The following FARP1 variants were observed in gnomAD, a reference collection of about 807,000 sequenced individuals.
FARP1 encodes the protein FERM, ARH/RhoGEF and pleckstrin domain protein 1, also known as FERM, ARHGEF and pleckstrin domain-containing protein 1.
In FARP1, 52 loss-of-function variants were observed where a neutral mutation model predicts 128.8. That is an observed-to-expected ratio of 0.40 (90% confidence interval 0.32 to 0.51). FARP1 has a LOEUF of 0.51. Ranked by LOEUF, FARP1 falls within the 20% of genes least tolerant of loss-of-function variation. The pLI, the probability that FARP1 is intolerant of heterozygous loss-of-function variation, is 0.45. For missense variants in FARP1, 1,333 were observed against 1,367.9 expected (o/e 0.97, Z 0.40); for synonymous variants, 580 against 551.8 (o/e 1.05, Z -0.72).
chr13:98,165,709 G>GTTTTTTTTT (rs1566685742), intron 1 of FARP1, among the ~76,000 whole-genome samples: 2 of 102,406 alleles, frequency 2.0e-5, no homozygotes, highest in African/African-American at 6.8e-5. Context: ...TTCCAGAAGG[G>GTTTTTTTTT]GTTTTTTTTT....
intron 1 of FARP1, among the ~76,000 whole-genome samples, chr13:98,145,546 G>A (rs529286670): frequency 1.4e-5 from 2 of 138,224 alleles, no homozygotes; most frequent in South Asian, 4.8e-4. Flanking sequence ...GAACCTGGAG[G>A]AACGTTTTTG....
chr13:98,454,694 G>C lies in FARP1; in HGVS notation c.*6377G>C, dbSNP rs1359344043. 1.3e-5 allele frequency: 2 copies of C among 152,190 alleles called. No homozygotes were observed. The highest frequency in any genetic ancestry group is 1.9e-4 in the East Asian group (1 of 5,198). 9.4% of individuals were successfully genotyped at this position (152,190 alleles called of 1,614,324 possible). On this transcript the variant is annotated 3_prime_UTR_variant, in exon 27 of 27. Transcript: ENST00000319562. ...GCCATCCACTGAAACAACATGTTTG[G>C]AGCAAAACTGGCAGGAAGTCTAAGC...
intron 1 of FARP1, among the ~76,000 whole-genome samples, chr13:98,150,339 C>T (rs1238756618): frequency 6.6e-6 from 1 of 152,134 alleles, no homozygotes; most frequent in East Asian, 1.9e-4. Context: ...CAGATCTTTA[C>T]TGTTTTTAAT....
intron 1 of FARP1, among the ~76,000 whole-genome samples, chr13:98,164,772 T>C (rs1334546048): frequency 5.3e-5 from 8 of 151,742 alleles, no homozygotes; most frequent in Non-Finnish European, 1.2e-4. Context: ...GGTTGAGAGG[T>C]TTGTCAGTTA....
At chr13:98,242,235 T>C (rs774873171) in intron 2 of FARP1, among the ~76,000 whole-genome samples, 2 of 152,104 alleles carry the variant, frequency 1.3e-5, no homozygotes, top group Non-Finnish European at 2.9e-5. Flanking sequence ...GTACTCCCCC[T>C]CCCTCGAGGC....
chr13:98,351,702 T>C (rs1888437754), intron 3 of FARP1, among the ~76,000 whole-genome samples: 1 of 150,264 alleles, frequency 6.7e-6, no homozygotes, highest in African/African-American at 2.4e-5. Flanking sequence ...CCTCAGGAAG[T>C]TTTTACTCAT....
At chr13:98,181,639 T>TGAG (rs1174717373) in intron 1 of FARP1, among the ~76,000 whole-genome samples, 356 of 62,518 alleles carry the variant, frequency 5.7e-3, no homozygotes, top group African/African-American at 0.015. Flanking sequence ...TTTATTTATT[T>TGAG]ATTTGAGAGA....
At chr13:98,304,480 G>C (rs1485991632) in intron 2 of FARP1, among the ~76,000 whole-genome samples, 1 of 152,242 alleles carries the variant, frequency 6.6e-6, no homozygotes, top group East Asian at 1.9e-4. Flanking sequence ...GAAAGGTGCA[G>C]ATTCCGAGGT....
chr13:98,440,762 G>A lies in FARP1; in HGVS notation c.2722G>A (p.Gly908Ser), dbSNP rs370388585. Residue 908 changes from glycine to serine, a missense_variant, in exon 24 of 27, where the codon GGC becomes AGC. Around this residue, in one of 2 missense-constraint regions of FARP1, gnomAD observed 1,009 missense variants for 969.8 expected, o/e 1.04. Coordinates refer to ENST00000319562, the MANE Select transcript of FARP1 (RefSeq NM_005766.4). ...GCTGGAGCGCCAGGCCCCGCACCGC[G>A]GCAACACAATGGTGCACGTGTGCTG... ...TSLERQAPHR[G>S]NTMVHVCWHR... is the part of the protein sequence containing the mutation. The A allele has an allele frequency of 2.5e-5, 40 of 1,613,218 alleles. No homozygotes were observed. In the Admixed American group the frequency reaches 5.3e-4, roughly 22 times the overall value.
At chr13:98,426,078 G>A (rs1891775209) in intron 17 of FARP1, among the ~76,000 whole-genome samples, 1 of 152,146 alleles carries the variant, frequency 6.6e-6, no homozygotes, top group Non-Finnish European at 1.5e-5. Context: ...TCCACCCAGT[G>A]CTAACTGAGC....
chr13:98,176,952 C>G lies in FARP1; in HGVS notation c.-24+33460C>G. ...CCACAGGCTTCGCCGAGCGGGTGGA[C>G]CTGTACACCACGTCGAGGCTCTCAG... On this transcript the variant is annotated intron_variant, in intron 1 of 26. Transcript: ENST00000319562. The surrounding 1 kb of genome is among the most constrained non-coding windows in gnomAD (Gnocchi z 6.2). 6.2e-7 allele frequency: 1 copy of G among 1,602,118 alleles called. No homozygotes were observed. Among genetic ancestry groups the G allele is most frequent in the Non-Finnish European group, 8.5e-7 (1 of 1,179,898 alleles).
At chr13:98,424,237 G>A (rs1416444848) in intron 16 of FARP1, among the ~76,000 whole-genome samples, 1 of 152,172 alleles carries the variant, frequency 6.6e-6, no homozygotes, top group East Asian at 1.9e-4. Context: ...CTGACCTAAT[G>A]ATGCTAAAAT....
chr13:98,190,818 A>G (rs1159618441), intron 1 of FARP1, among the ~76,000 whole-genome samples: 3 of 150,846 alleles, frequency 2.0e-5, no homozygotes, highest in Admixed American at 1.3e-4. Flanking sequence ...AAGTGCTTAG[A>G]TTACAGGCAT....
chr13:98,217,679 A>G (rs1881159101), intron 2 of FARP1, among the ~76,000 whole-genome samples: 1 of 152,170 alleles, frequency 6.6e-6, no homozygotes. Context: ...CATCTCAACC[A>G]CAGTCCTCGG....
chr13:98,433,448 G>A, intron 18 of FARP1: 1 of 152,330 alleles, frequency 6.6e-6, no homozygotes, highest in Non-Finnish European at 1.5e-5. Context: ...AACCATGCTG[G>A]CCAGGGGTGG....
intron 6 of FARP1, chr13:98,384,066 G>A (rs1028591336): frequency 2.6e-5 from 4 of 152,150 alleles, no homozygotes; most frequent in African/African-American, 9.7e-5. Context: ...GGGCTTTTTA[G>A]GAGGTCATAC....
At chr13:98,266,955 A>G (rs531357404) in intron 2 of FARP1, among the ~76,000 whole-genome samples, 2 of 140,538 alleles carry the variant, frequency 1.4e-5, no homozygotes, top group East Asian at 2.3e-4. Context: ...TGGAGGTTGC[A>G]GTGAGCCAAG....
chr13:98,186,991 CAAA>C (rs33992037), intron 1 of FARP1, among the ~76,000 whole-genome samples: 19 of 47,828 alleles, frequency 4.0e-4, no homozygotes, highest in East Asian at 1.5e-3. Flanking sequence ...GATTCTGTCT[CAAA>C]AAAAAAAAAA....
At chr13:98,284,264 T>C (rs1462192015) in intron 2 of FARP1, among the ~76,000 whole-genome samples, 21 of 152,234 alleles carry the variant, frequency 1.4e-4, no homozygotes, top group Non-Finnish European at 2.6e-4. Flanking sequence ...CTTCTTCCAG[T>C]GTGGCCCAGG....
Sources: gnomAD v4.1 joint callset for allele counts (sites outside exome capture counted in the v4.1 genomes callset) on GRCh38, gnomAD v4.1.1 for gene constraint, gnomAD v4.1.1 regional missense constraint, Gnocchi (gnomAD v3.1) non-coding constraint, MANE v1.5 for transcripts, NCBI Gene and HGNC (gene_info 2026-07-23, HGNC 2026-07-21) for gene names.